BICC1: variants seen among roughly 807,000 people sequenced by gnomAD.
BICC1 encodes the protein protein bicaudal C homolog 1.
BICC1 carries 43 observed loss-of-function variants against 111.0 expected under a neutral mutation model. The observed-to-expected ratio is 0.39, with a 90% confidence interval of 0.30 to 0.50. BICC1 has a LOEUF of 0.50. Among genes scored for constraint, BICC1 ranks in the 20% least tolerant of loss-of-function variants. BICC1 has a pLI of 0.88. For missense variants in BICC1, 1,091 were observed against 1,203.2 expected, an observed-to-expected ratio of 0.91 and a Z score of 1.38; for synonymous variants, 467 against 434.4, an observed-to-expected ratio of 1.07 and a Z score of -0.93.
intron 2 of BICC1, among the ~76,000 whole-genome samples, chr10:58,670,871 C>T (rs984607210): frequency 6.6e-6 from 1 of 152,088 alleles, no homozygotes; most frequent in Non-Finnish European, 1.5e-5. Context: ...AAAGGAAGGA[C>T]CTACTGACAC....
intron 1 of BICC1, among the ~76,000 whole-genome samples, chr10:58,578,196 T>C (rs1054520323): frequency 4.6e-5 from 7 of 152,226 alleles, no homozygotes; most frequent in African/African-American, 1.7e-4. Context: ...TATCCTTCAT[T>C]TCCTGTGTGT....
At chr10:58,611,200 T>G (rs1422325521) in intron 1 of BICC1, among the ~76,000 whole-genome samples, 1 of 152,192 alleles carries the variant, frequency 6.6e-6, no homozygotes, top group African/African-American at 2.4e-5. Flanking sequence ...AAAAATAATT[T>G]TTACCTGAAT....
intron 20 of BICC1, among the ~76,000 whole-genome samples, chr10:58,826,840 G>A (rs939086900): frequency 3.3e-5 from 5 of 152,222 alleles, no homozygotes; most frequent in Non-Finnish European, 7.3e-5. Flanking sequence ...TGCGAATGCA[G>A]TCACGTTTAT....
intron 2 of BICC1, among the ~76,000 whole-genome samples, chr10:58,626,291 C>T (rs1430404784): frequency 1.3e-5 from 2 of 152,094 alleles, no homozygotes; most frequent in African/African-American, 4.8e-5. Context: ...TTCTTATTAC[C>T]GATCACTATA....
intron 2 of BICC1, among the ~76,000 whole-genome samples, chr10:58,697,092 C>T (rs1840086368): frequency 6.6e-6 from 1 of 152,188 alleles, no homozygotes; most frequent in South Asian, 2.1e-4. Flanking sequence ...TTTCACACAA[C>T]TGGGAGGCAT....
Position 58,634,051 on chromosome 10 carries a change from A to G in BICC1, c.237+13150A>G, listed in dbSNP as rs142613595. ...CTCTCGTTGCCCAAGCTGGAGTGCA[A>G]TGGCGCAATGTCAGCTCACTGCAAC... is the stretch of plus-strand genomic sequence containing the variant. On this transcript the variant is annotated intron_variant, in intron 2 of 20. Coordinates refer to ENST00000373886, the MANE Select transcript of BICC1 (RefSeq NM_001080512.3). 4.5e-3 allele frequency among the ~76,000 whole-genome samples: 629 copies of G among 138,444 alleles called. 3 individuals carry two copies. The highest frequency in any genetic ancestry group is 0.016 in the African/African-American group (570 of 36,498). 90.8% of individuals were successfully genotyped at this position (138,444 alleles called of 152,430 possible).
intron 2 of BICC1, among the ~76,000 whole-genome samples, chr10:58,659,252 T>C (rs752268609): frequency 6.6e-6 from 1 of 152,152 alleles, no homozygotes; most frequent in Non-Finnish European, 1.5e-5. Flanking sequence ...CCCGAAGGAA[T>C]AGAAATCTTT....
At chr10:58,729,941 A>G (rs537668269) in intron 3 of BICC1, among the ~76,000 whole-genome samples, 1 of 152,302 alleles carries the variant, frequency 6.6e-6, no homozygotes, top group South Asian at 2.1e-4. Flanking sequence ...TTTAAACCAT[A>G]TCTTTCTCCC....
intron 1 of BICC1, among the ~76,000 whole-genome samples, chr10:58,586,642 A>G (rs914899197): frequency 2.9e-5 from 4 of 136,268 alleles, no homozygotes; most frequent in Non-Finnish European, 6.4e-5. Context: ...ACAAAAAAAA[A>G]CCTCATACAG....
At chr10:58,571,533 C>A (rs749396527) in intron 1 of BICC1, among the ~76,000 whole-genome samples, 11 of 150,216 alleles carry the variant, frequency 7.3e-5, no homozygotes, top group Non-Finnish European at 1.6e-4. Flanking sequence ...TTGTTCCACC[C>A]ATATGTCCAT....
chr10:58,589,873 A>G (rs1032602422), intron 1 of BICC1, among the ~76,000 whole-genome samples: 2 of 152,006 alleles, frequency 1.3e-5, no homozygotes, highest in Non-Finnish European at 2.9e-5. Context: ...AGGCATGGTC[A>G]TAGTGCACTG....
At chr10:58,704,078 C>T (rs1201188540) in intron 3 of BICC1, among the ~76,000 whole-genome samples, 1 of 152,150 alleles carries the variant, frequency 6.6e-6, no homozygotes, top group Non-Finnish European at 1.5e-5. Flanking sequence ...TGACACTTAA[C>T]CCATTCAAAA....
intron 15 of BICC1, 132 bp from the exon 16 acceptor site, chr10:58,806,452 A>AT (rs1378158963): frequency 1.3e-6 from 1 of 741,782 alleles, no homozygotes; most frequent in Non-Finnish European, 2.4e-6. Flanking sequence ...CTGTGGCATT[A>AT]TTGTGCAAAG....
intron 2 of BICC1, among the ~76,000 whole-genome samples, chr10:58,627,332 T>C (rs565700610): frequency 6.6e-6 from 1 of 152,222 alleles, no homozygotes; most frequent in Non-Finnish European, 1.5e-5. Context: ...TACACACTTG[T>C]AGTGCAAGTA....
intron 3 of BICC1, among the ~76,000 whole-genome samples, chr10:58,714,500 C>G (rs1171350540): frequency 6.6e-6 from 1 of 152,078 alleles, no homozygotes; most frequent in East Asian, 1.9e-4. Context: ...CACGTTATGC[C>G]TTTGTGCCTG....
intron 1 of BICC1, among the ~76,000 whole-genome samples, chr10:58,560,182 G>C (rs78453721): frequency 0.031 from 4,705 of 152,028 alleles, 232 homozygotes; most frequent in African/African-American, 0.11. Flanking sequence ...TAGCAGGAAA[G>C]TCATCCATTC....
At chr10:58,823,700 G>A in intron 20 of BICC1, 8 of 985,252 alleles carry the variant, frequency 8.1e-6, no homozygotes, top group Non-Finnish European at 9.6e-6. Flanking sequence ...GCTGTAAAGT[G>A]GGAATGTCTT....
chr10:58,705,583 C>T (rs1006408087), intron 3 of BICC1, among the ~76,000 whole-genome samples: 5 of 152,018 alleles, frequency 3.3e-5, no homozygotes, highest in East Asian at 1.9e-4. Flanking sequence ...CTTCTGTGAC[C>T]GTATTCTAGA....
chr10:58,724,581 T>C lies in BICC1; in HGVS notation c.307+22438T>C, dbSNP rs144909578. Among the ~76,000 whole-genome samples, 266 of 152,322 alleles carry C rather than the reference T, an allele frequency of 1.7e-3. 1 individual carries two copies. Among genetic ancestry groups the C allele is most frequent in the Non-Finnish European group, 2.3e-3 (158 of 68,032 alleles). On this transcript the variant is annotated intron_variant, in intron 3 of 20. Transcript: ENST00000373886. ...ATCCCAGGACTATGTACAGGATTCC[T>C]TGGAGTCATAAGGAATGTTCTTCAT...
Sources: gnomAD v4.1 joint callset for allele counts (sites outside exome capture counted in the v4.1 genomes callset) on GRCh38, gnomAD v4.1.1 for gene constraint, MANE v1.5 for transcripts, NCBI Gene and HGNC (gene_info 2026-07-23, HGNC 2026-07-21) for gene names.